Variants in C9orf85 observed in about 807,000 individuals in gnomAD.
C9orf85 encodes the protein uncharacterized protein C9orf85.
Under a neutral mutation model 14.9 loss-of-function variants are expected in C9orf85, and 16 were observed. That is an observed-to-expected ratio of 1.08 (90% CI 0.73 to 1.63). The LOEUF (loss-of-function observed/expected upper bound fraction) is 1.63. Ranked by LOEUF, C9orf85 falls within the 40% of genes most tolerant of loss-of-function variation. The pLI, the probability that C9orf85 is intolerant of heterozygous loss-of-function variation, is 0.00. For synonymous variants in C9orf85, 45 were observed against 56.8 expected, an observed-to-expected ratio of 0.79 and a Z score of 0.93; for missense variants, 172 against 186.1, an observed-to-expected ratio of 0.92 and a Z score of 0.44.
At chr9:71,942,729 C>A (rs556062769) in intron 1 of C9orf85, among the ~76,000 whole-genome samples, 92 of 152,174 alleles carry the variant, frequency 6.0e-4, no homozygotes, top group African/African-American at 2.2e-3. Context: ...ATGGCAAAAC[C>A]CTGTCTCTAC....
Position 71,946,993 on chromosome 9 carries a change from GTTTGTT to G in C9orf85, c.103-9_103-4del. Reference sequence around the variant, plus strand: ...CGTGAAATTCTCAATTTGTCTTTCTGTTTGTTTTTAAGAAAATTAATGCAAAACTTC... The same window carrying G: ...CGTGAAATTCTCAATTTGTCTTTCTGTTTAAGAAAATTAATGCAAAACTTC... On this transcript the variant is annotated splice_region_variant and splice_polypyrimidine_tract_variant and intron_variant, in intron 1 of 3. Coordinates refer to ENST00000334731, the MANE Select transcript of C9orf85 (RefSeq NM_182505.5). 6.3e-7 allele frequency: 1 copy of G among 1,591,802 alleles called. No individual in the cohort carries two copies. The highest frequency in any genetic ancestry group is 8.6e-7 in the Non-Finnish European group (1 of 1,162,526).
chr9:71,969,960 T>TC (rs1010859089), intron 2 of C9orf85, among the ~76,000 whole-genome samples: 1 of 151,868 alleles, frequency 6.6e-6, no homozygotes, highest in African/African-American at 2.4e-5. Context: ...TCTTTTTTTT[T>TC]TCATACAAAG....
intron 2 of C9orf85, among the ~76,000 whole-genome samples, chr9:71,959,487 C>T (rs555224784): frequency 6.6e-6 from 1 of 152,274 alleles, no homozygotes; most frequent in Non-Finnish European, 1.5e-5. Flanking sequence ...CTAATAACAA[C>T]CCTGTAGAGG....
At chr9:71,948,140 A>G (rs965124068) in intron 2 of C9orf85, among the ~76,000 whole-genome samples, 1 of 152,230 alleles carries the variant, frequency 6.6e-6, no homozygotes, top group Admixed American at 6.5e-5. Flanking sequence ...GGTAATCTAT[A>G]TAGTAGCTAT....
At chr9:71,944,245 A>G (rs72739888) in intron 1 of C9orf85, among the ~76,000 whole-genome samples, 205 of 150,056 alleles carry the variant, frequency 1.4e-3, no homozygotes, top group Admixed American at 1.3e-3. Context: ...AAAAAAAAAA[A>G]AAGTTGTAGG....
At chr9:71,977,216 TAAA>T (rs140317277), downstream of C9orf85, among the ~76,000 whole-genome samples, 117 of 149,902 alleles carry the variant, frequency 7.8e-4, no homozygotes, top group Admixed American at 1.9e-3. Flanking sequence ...TCTTTTGTTG[TAAA>T]AAAAAAAAAA....
At chr9:71,948,821 C>A (rs994020249) in intron 2 of C9orf85, among the ~76,000 whole-genome samples, 3 of 148,984 alleles carry the variant, frequency 2.0e-5, no homozygotes, top group Non-Finnish European at 4.5e-5. Flanking sequence ...ACGCCCCCCC[C>A]CCCCCCTTTA....
chr9:71,976,548 G>C (rs528828100), downstream of C9orf85, among the ~76,000 whole-genome samples: 5 of 151,946 alleles, frequency 3.3e-5, no homozygotes, highest in South Asian at 8.3e-4. Flanking sequence ...TGTAGTCCCA[G>C]CTACTTGCGA....
At chr9:71,939,266 T>A (rs1225368840) in intron 1 of C9orf85, among the ~76,000 whole-genome samples, 24 of 151,924 alleles carry the variant, frequency 1.6e-4, no homozygotes, top group Admixed American at 1.3e-3. Flanking sequence ...TCTTCTCTTG[T>A]GCTCTTCTAA....
intron 2 of C9orf85, among the ~76,000 whole-genome samples, chr9:71,958,509 G>C (rs147916599): frequency 6.6e-6 from 1 of 151,828 alleles, no homozygotes; most frequent in Admixed American, 6.6e-5. Flanking sequence ...TGATCCGCCC[G>C]CCTCAGCCTC....
intron 2 of C9orf85, among the ~76,000 whole-genome samples, chr9:71,969,836 A>G (rs1337244769): frequency 1.3e-5 from 2 of 151,756 alleles, no homozygotes; most frequent in African/African-American, 4.8e-5. Flanking sequence ...GGTTATTTAG[A>G]AGTGTTTTAT....
chr9:71,963,965 C>T (rs141691574), intron 2 of C9orf85, among the ~76,000 whole-genome samples: 4,833 of 152,294 alleles, frequency 0.032, 271 homozygotes, highest in African/African-American at 0.11. Flanking sequence ...TCTGCAGCCC[C>T]GGAGTGGGAT....
intron 2 of C9orf85, among the ~76,000 whole-genome samples, chr9:71,953,480 C>G (rs948565076): frequency 2.6e-5 from 4 of 152,122 alleles, no homozygotes; most frequent in Admixed American, 6.5e-5. Flanking sequence ...GCCTTGGAAC[C>G]AGCATTACTC....
chr9:71,964,995 A>G (rs959716200), intron 2 of C9orf85, among the ~76,000 whole-genome samples: 1 of 152,216 alleles, frequency 6.6e-6, no homozygotes, highest in African/African-American at 2.4e-5. Context: ...CGGACACCCT[A>G]CCGGATCCAG....
At chr9:71,924,437 G>A (rs1405265973) in intron 1 of C9orf85, among the ~76,000 whole-genome samples, 1 of 152,162 alleles carries the variant, frequency 6.6e-6, no homozygotes, top group African/African-American at 2.4e-5. Flanking sequence ...TGTTTTTGCA[G>A]AGTCTTATGT....
chr9:71,953,412 A>C lies in C9orf85; in HGVS notation c.209+6300A>C, dbSNP rs1019233916. 2.6e-5 allele frequency among the ~76,000 whole-genome samples: 4 copies of C among 152,328 alleles called. No homozygotes were observed. In the East Asian group the frequency reaches 7.7e-4, roughly 29 times the overall value. ...CAAGCTGTGTGATAAATGTTCACTG[A>C]AAGAAGATTTCATCATAAAAATATT... On this transcript the variant is annotated intron_variant, in intron 2 of 3. Transcript: ENST00000334731.
At chr9:71,975,331 C>T (rs927638392), downstream of C9orf85, among the ~76,000 whole-genome samples, 3 of 151,614 alleles carry the variant, frequency 2.0e-5, no homozygotes, top group African/African-American at 7.3e-5. Flanking sequence ...ATCCCAGCTA[C>T]TCCGGAGGCT....
At chr9:71,923,624 A>G (rs1827866045) in intron 1 of C9orf85, among the ~76,000 whole-genome samples, 1 of 152,116 alleles carries the variant, frequency 6.6e-6, no homozygotes, top group African/African-American at 2.4e-5. Flanking sequence ...GTTCTTTTGC[A>G]TATACCCCAG....
intron 1 of C9orf85, among the ~76,000 whole-genome samples, chr9:71,927,826 G>A (rs1461163251): frequency 1.3e-5 from 2 of 152,066 alleles, no homozygotes; most frequent in South Asian, 2.1e-4. Context: ...TTAAAAACAC[G>A]GGGTTTCTCC....
Sources: allele counts gnomAD v4.1 joint callset (sites outside exome capture counted in the v4.1 genomes callset), GRCh38; gene constraint gnomAD v4.1.1; transcripts MANE v1.5; gene names NCBI Gene and HGNC (gene_info 2026-07-23, HGNC 2026-07-21).